The following NPR2 variants were observed in gnomAD, a reference collection of about 807,000 sequenced individuals.
The protein encoded by NPR2 is natriuretic peptide receptor 2.
A neutral mutation model predicts 120.7 loss-of-function variants in NPR2; 49 were observed. The ratio of observed to expected loss-of-function variants is 0.41; its 90% CI spans 0.32 to 0.52. The LOEUF is 0.52. NPR2 is among the 20% of genes least tolerant of loss of function. The pLI is 0.36. For synonymous variants in NPR2, 484 were observed against 519.8 expected (o/e 0.93, Z 0.94); for missense variants, 931 against 1,362.9 (o/e 0.68, Z 4.99).
chr9:35,801,194 A>C lies in NPR2; in HGVS notation c.1436+40A>C, dbSNP rs61758528. 2.8e-3 allele frequency: 4,010 copies of C among 1,448,002 alleles called. 13 individuals are homozygous for C. The highest frequency in any genetic ancestry group is 2.8e-3 in the Non-Finnish European group (2,851 of 1,028,108). The allele number at this position is 1,448,002 out of a possible 1,614,324, so 89.7% of individuals were successfully genotyped here. A position where few individuals can be genotyped will look rare whatever the true frequency, so the allele number is the denominator to read the frequency against. ...TCTTGCTGACCTACTCCCTGCCCCC[A>C]TTGCCACACAACCTCTGGCTGAAGC... On this transcript the variant is annotated intron_variant, in intron 7 of 21. Transcript: ENST00000342694.
In NPR2 at chr9:35,805,752, G is replaced by T. The variant is rs913020323; in HGVS notation, c.2048-78G>T. On this transcript the variant is annotated intron_variant, in intron 13 of 21. Coordinates refer to ENST00000342694, the MANE Select transcript of NPR2 (RefSeq NM_003995.4). This position sits in a 1 kb window ranked among gnomAD's most constrained non-coding sequence, Gnocchi z 4.9. Reference sequence around the variant, plus strand: ...GGTGGGAGAGGGAGGTGGAGTGACAGTAATATAGGGATGAGCCCAGGTGGG... The same window carrying T: ...GGTGGGAGAGGGAGGTGGAGTGACATTAATATAGGGATGAGCCCAGGTGGG... The T allele has an allele frequency of 1.2e-6, 2 of 1,607,462 alleles. No individual in the cohort carries two copies. The highest frequency in any genetic ancestry group is 2.7e-5 in the African/African-American group (2 of 74,786).
At chr9:35,807,586 G>A (rs953471838) in intron 18 of NPR2, among the ~76,000 whole-genome samples, 188 bp downstream of exon 18, 7 of 152,154 alleles carry the variant, frequency 4.6e-5, no homozygotes, top group Non-Finnish European at 7.3e-5. Flanking sequence ...GTACACTCCA[G>A]TCGAATTTCT....
Position 35,792,539 on chromosome 9 carries a change from G to T in NPR2, c.131G>T (p.Arg44Leu). 6.2e-7 allele frequency: 1 copy of T among 1,611,416 alleles called. No homozygotes were observed. The change falls in exon 1 of 22, where the codon CGG becomes CTG. Residue 44 changes from arginine (R) to leucine (L), a missense_variant. Arg to Leu is a moderately radical substitution (Grantham distance 102). This residue lies in a region of NPR2 where 681 missense variants were observed against 974.3 expected (regional missense o/e 0.70). Coordinates refer to ENST00000342694, the MANE Select transcript of NPR2 (RefSeq NM_003995.4). ...CTGAGCTATGCCTGGGCCTGGCCAC[G>T]GGTGGGACCCGCTGTGGCACTAGCT... ...HNLSYAWAWP[R>L]VGPAVALAVE... is the part of the protein sequence containing the mutation.
rs967115849 is a variant in NPR2, at chr9:35,806,501, C to T, written c.2482C>T (p.Arg828Cys). 6.2e-6 allele frequency: 10 copies of T among 1,614,082 alleles called. No homozygotes were observed. The highest frequency in any genetic ancestry group is 2.2e-5 in the East Asian group (1 of 44,894). ...ERTQAYLEEK[R>C]KAEALLYQIL... ...CACACAGGCCTATCTGGAGGAAAAA[C>T]GCAAGGCTGAAGCTCTGCTCTACCA... is the stretch of plus-strand genomic sequence containing the variant. The change falls in exon 16 of 22, where the codon CGC (arginine) becomes TGC (cysteine). Residue 828 changes from arginine to cysteine, a missense_variant. Arg to Cys is a radical substitution (Grantham distance 180). Coordinates refer to ENST00000342694, the MANE Select transcript of NPR2 (RefSeq NM_003995.4). This position sits in a 1 kb window ranked among gnomAD's most constrained non-coding sequence, Gnocchi z 4.6.
Position 35,806,358 on chromosome 9 carries a change from T to C in NPR2, c.2373-34T>C. The C allele has an allele frequency of 6.2e-7, 1 of 1,612,980 alleles. No homozygotes were observed. The highest frequency in any genetic ancestry group is 1.1e-5 in the South Asian group (1 of 91,046). On this transcript the variant is annotated intron_variant, in intron 15 of 21. Transcript: ENST00000342694. The surrounding 1 kb of genome is among the most constrained non-coding windows in gnomAD (Gnocchi z 4.6). ...GGAAGTCCTGGGAATCTTCAGAATCTTAGAGCAAGTGCCTTATCCTGGCCT... is the reference window on the plus strand; with the variant it reads ...GGAAGTCCTGGGAATCTTCAGAATCCTAGAGCAAGTGCCTTATCCTGGCCT...
Position 35,792,245 on chromosome 9 carries a change from T to G in NPR2, c.-164T>G. The G allele has an allele frequency of 1.2e-5, 2 of 170,128 alleles. No homozygotes were observed. Among genetic ancestry groups the G allele is most frequent in the East Asian group, 1.3e-4 (1 of 7,798 alleles). The allele number at this position is 170,128 out of a possible 1,614,324, so 10.5% of individuals were successfully genotyped here. On this transcript the variant is annotated 5_prime_UTR_variant, in exon 1 of 22. Coordinates refer to ENST00000342694, the MANE Select transcript of NPR2 (RefSeq NM_003995.4). ...CCCCCGCCTTCCTCCCATCTCCCCC[T>G]CCTCTCCCCGGCCCCCAGCACCTTC...
rs1035734956 is a variant in NPR2, at chr9:35,805,736, G to A, written c.2047+66G>A. 2 of 1,608,330 alleles carry A rather than the reference G, an allele frequency of 1.2e-6. No individual in the cohort carries two copies. Among genetic ancestry groups the A allele is most frequent in the African/African-American group, 1.3e-5 (1 of 74,934 alleles). On this transcript the variant is annotated intron_variant, in intron 13 of 21. Transcript: ENST00000342694. The surrounding 1 kb of genome is among the most constrained non-coding windows in gnomAD (Gnocchi z 4.9). Reference sequence around the variant, plus strand: ...CTTTCCACCTAGGGATGGTGGGAGAGGGAGGTGGAGTGACAGTAATATAGG... The same window carrying A: ...CTTTCCACCTAGGGATGGTGGGAGAAGGAGGTGGAGTGACAGTAATATAGG...
chr9:35,802,418 G>A lies in NPR2; in HGVS notation c.1711-85G>A, dbSNP rs1046499854. 5 of 951,840 alleles carry A rather than the reference G, an allele frequency of 5.3e-6. No homozygotes were observed. The highest frequency in any genetic ancestry group is 1.7e-5 in the Admixed American group (1 of 58,388). The allele number at this position is 951,840 out of a possible 1,614,324, so 59.0% of individuals were successfully genotyped here. ...AAATCGTAGATACAACTAAGAGAAAGGTCCTCTTATGTAGTGGTAAGTTTC... is the reference window on the plus strand; with the variant it reads ...AAATCGTAGATACAACTAAGAGAAAAGTCCTCTTATGTAGTGGTAAGTTTC... On this transcript the variant is annotated intron_variant, in intron 10 of 21. Transcript: ENST00000342694. This position sits in a 1 kb window ranked among gnomAD's most constrained non-coding sequence, Gnocchi z 4.2.
At chr9:35,796,774 C>T (rs1471534236) in intron 2 of NPR2, among the ~76,000 whole-genome samples, 1 of 152,096 alleles carries the variant, frequency 6.6e-6, no homozygotes, top group African/African-American at 2.4e-5. Flanking sequence ...GGTGCCCCGC[C>T]CCCCACCTTC....
chr9:35,792,919 C>T lies in NPR2; in HGVS notation c.511C>T (p.Leu171=). The part of the protein sequence containing the change: ...NWTARAALLY[L]DARTDDRPHY... Reference sequence around the variant, plus strand: ...GACTGCCCGTGCTGCCTTGCTGTACCTGGATGCTCGCACAGATGACCGGCC... The same window carrying T: ...GACTGCCCGTGCTGCCTTGCTGTACTTGGATGCTCGCACAGATGACCGGCC... Residue 171 remains leucine (L), a synonymous_variant, in exon 1 of 22, where the codon CTG becomes TTG. Coordinates refer to ENST00000342694, the MANE Select transcript of NPR2 (RefSeq NM_003995.4). 1 of 1,614,132 alleles carries T rather than the reference C, an allele frequency of 6.2e-7. No individual in the cohort carries two copies. The highest frequency in any genetic ancestry group is 1.1e-5 in the South Asian group (1 of 91,086).
intron 2 of NPR2, among the ~76,000 whole-genome samples, chr9:35,796,365 T>A (rs538341509): frequency 6.6e-6 from 1 of 152,290 alleles, no homozygotes; most frequent in East Asian, 1.9e-4. Context: ...TTTTATTTTT[T>A]ATAGAGATGG....
Position 35,802,187 on chromosome 9 carries a change from C to T in NPR2, c.1633-19C>T. 1 of 1,548,378 alleles carries T rather than the reference C, an allele frequency of 6.5e-7. No individual in the cohort carries two copies. Among genetic ancestry groups the T allele is most frequent in the Non-Finnish European group, 8.9e-7 (1 of 1,120,192 alleles). ...CTTCTGATATTCACTTTCCTTTCCC[C>T]TTTCACTCCCACCATCAGGGAAATG... On this transcript the variant is annotated intron_variant, in intron 9 of 21. Transcript: ENST00000342694. This position sits in a 1 kb window ranked among gnomAD's most constrained non-coding sequence, Gnocchi z 4.2.
In NPR2 at chr9:35,800,015, C is replaced by A. The variant is rs555614149; in HGVS notation, c.988-7C>A. On this transcript the variant is annotated splice_polypyrimidine_tract_variant and splice_region_variant and intron_variant, in intron 3 of 21. Transcript: ENST00000342694. This position sits in a 1 kb window ranked among gnomAD's most constrained non-coding sequence, Gnocchi z 4.7. ...TTGGAGAGTACTGCTGAAGTTGCCACCCCCAGATGAACCTCATCGCTGGCT... is the reference window on the plus strand; with the variant it reads ...TTGGAGAGTACTGCTGAAGTTGCCAACCCCAGATGAACCTCATCGCTGGCT... 2 of 1,613,714 alleles carry A rather than the reference C, an allele frequency of 1.2e-6. No individual in the cohort carries two copies. The highest frequency in any genetic ancestry group is 3.3e-5 in the Admixed American group (2 of 60,008).
chr9:35,802,716 C>G lies in NPR2; in HGVS notation c.1816-16C>G. On this transcript the variant is annotated splice_polypyrimidine_tract_variant and intron_variant, in intron 11 of 21. Coordinates refer to ENST00000342694, the MANE Select transcript of NPR2 (RefSeq NM_003995.4). This position sits in a 1 kb window ranked among gnomAD's most constrained non-coding sequence, Gnocchi z 4.2. ...GTGGGACCAGGACAGACAGTCTATT[C>G]CATGTCACTTACCAGGATATTCTAG... 1 of 1,597,610 alleles carries G rather than the reference C, an allele frequency of 6.3e-7. No individual in the cohort carries two copies. The highest frequency in any genetic ancestry group is 1.3e-5 in the African/African-American group (1 of 74,680).
chr9:35,808,556 C>T lies in NPR2; in HGVS notation c.2760C>T (p.Gly920=). Residue 920 remains glycine, a synonymous_variant, in exon 19 of 22, where the codon GGC becomes GGT. Transcript: ENST00000342694. The surrounding 1 kb of genome is among the most constrained non-coding windows in gnomAD (Gnocchi z 4.0). ...ACATGGTGGTATCTGGCCTCCCAGGCCGAAATGGTCAACGCCATGCACCAG... is the reference window on the plus strand; with the variant it reads ...ACATGGTGGTATCTGGCCTCCCAGGTCGAAATGGTCAACGCCATGCACCAG... ...DAYMVVSGLP[G]RNGQRHAPEI... 6.2e-7 allele frequency: 1 copy of T among 1,614,168 alleles called. No individual in the cohort carries two copies. Among genetic ancestry groups the T allele is most frequent in the Non-Finnish European group, 8.5e-7 (1 of 1,180,036 alleles).
chr9:35,792,413 C>G lies in NPR2; in HGVS notation c.5C>G (p.Ala2Gly). ...TGGGGCTGCTGCTTTATCCCCATGGCGCTGCCATCACTTCTGCTGTTGGTG... is the reference window on the plus strand; with the variant it reads ...TGGGGCTGCTGCTTTATCCCCATGGGGCTGCCATCACTTCTGCTGTTGGTG... M[A>G]LPSLLLLVAA... Residue 2 changes from alanine to glycine, a missense_variant, in exon 1 of 22, where the codon GCG becomes GGG. Physicochemically the swap from Ala to Gly is moderately conservative, Grantham distance 60. Around this residue, in one of 3 missense-constraint regions of NPR2, gnomAD observed 681 missense variants for 974.3 expected, o/e 0.70. Transcript: ENST00000342694. The G allele has an allele frequency of 6.2e-7, 1 of 1,610,788 alleles. No individual in the cohort carries two copies. Among genetic ancestry groups the G allele is most frequent in the Non-Finnish European group, 8.5e-7 (1 of 1,179,606 alleles).
intron 7 of NPR2, 50 bp downstream of exon 7, chr9:35,801,204 A>C (rs754203755): frequency 7.3e-6 from 10 of 1,378,816 alleles, no homozygotes; most frequent in Non-Finnish European, 8.3e-6. Flanking sequence ...ATTGCCACAC[A>C]ACCTCTGGCT....
chr9:35,804,236 T>A (rs1306975747), intron 12 of NPR2, among the ~76,000 whole-genome samples: 1 of 81,874 alleles, frequency 1.2e-5, no homozygotes, highest in African/African-American at 7.4e-5. Context: ...ATTAAGACTT[T>A]TTTTTTTTTT....
chr9:35,805,753 T>G lies in NPR2; in HGVS notation c.2048-77T>G. 2 of 1,606,934 alleles carry G rather than the reference T, an allele frequency of 1.2e-6. No individual in the cohort carries two copies. Among genetic ancestry groups the G allele is most frequent in the Non-Finnish European group, 1.7e-6 (2 of 1,174,296 alleles). ...GTGGGAGAGGGAGGTGGAGTGACAG[T>G]AATATAGGGATGAGCCCAGGTGGGC... On this transcript the variant is annotated intron_variant, in intron 13 of 21. Coordinates refer to ENST00000342694, the MANE Select transcript of NPR2 (RefSeq NM_003995.4). The surrounding 1 kb of genome is among the most constrained non-coding windows in gnomAD (Gnocchi z 4.9).
Sources: allele counts gnomAD v4.1 joint callset (sites outside exome capture counted in the v4.1 genomes callset), GRCh38; gene constraint gnomAD v4.1.1; regional missense constraint gnomAD v4.1.1; non-coding constraint Gnocchi (gnomAD v3.1); transcripts MANE v1.5; gene names NCBI Gene and HGNC (gene_info 2026-07-23, HGNC 2026-07-21).